The following ACP3 variants were observed in gnomAD, a reference collection of about 807,000 sequenced individuals.
ACP3 encodes acid phosphatase 3, also known as prostatic acid phosphatase.
In ACP3, 38 loss-of-function variants were observed where a neutral mutation model predicts 45.6. The ratio of observed to expected loss-of-function variants is 0.83; its 90% CI spans 0.64 to 1.09. ACP3 has a LOEUF of 1.09. Ranked by LOEUF, ACP3 falls within the 50% of genes least tolerant of loss-of-function variation. The pLI is 0.00. For synonymous variants in ACP3, 162 were observed against 164.7 expected (o/e 0.98, Z 0.13); for missense variants, 466 against 463.2 (o/e 1.01, Z -0.05).
Position 132,358,076 on chromosome 3 carries a change from T to TAAATTAAA in ACP3, c.*1201_*1202insTTAAAAAA, listed in dbSNP as rs1553734945. On this transcript the variant is annotated 3_prime_UTR_variant, in exon 10 of 10. Transcript: ENST00000336375. ...ATAAATAAATAAATAAATAAATAAA[T>TAAATTAAA]AAAAACAAAGTTGATTAAGAAAGGA... The TAAATTAAA allele has an allele frequency of 6.8e-6, 1 of 147,390 alleles. No homozygotes were observed. Among genetic ancestry groups the TAAATTAAA allele is most frequent in the Non-Finnish European group, 1.4e-5 (1 of 70,062 alleles). The allele number at this position is 147,390 out of a possible 1,614,324, so 9.1% of individuals were successfully genotyped here.
At chr3:132,328,155 T>G in intron 1 of ACP3, 112 bp from the exon 2 acceptor site, 2 of 722,166 alleles carry the variant, frequency 2.8e-6, no homozygotes. Context: ...GTGATTACAA[T>G]GGGAAGCCAA....
At chr3:132,367,664 GC>G (rs772837136) in intron 10 of ACP3, 14 of 1,439,270 alleles carry the variant, frequency 9.7e-6, no homozygotes, top group Non-Finnish European at 1.4e-5. Flanking sequence ...TTTTCCTAAT[GC>G]ATTAATTTTA....
At chr3:132,361,957 GC>G (rs1189218130), downstream of ACP3, among the ~76,000 whole-genome samples, 1 of 152,044 alleles carries the variant, frequency 6.6e-6, no homozygotes, top group Non-Finnish European at 1.5e-5. Flanking sequence ...CTACGAAAAT[GC>G]CCAAATATCC....
intron 4 of ACP3, among the ~76,000 whole-genome samples, chr3:132,333,054 G>A (rs1018145686): frequency 6.6e-6 from 1 of 152,042 alleles, no homozygotes; most frequent in African/African-American, 2.4e-5. Context: ...GGATCACGTG[G>A]TTTTTTAAAA....
intron 1 of ACP3, among the ~76,000 whole-genome samples, chr3:132,325,261 T>C (rs1405937270): frequency 6.6e-6 from 1 of 152,204 alleles, no homozygotes; most frequent in East Asian, 1.9e-4. Flanking sequence ...TGGAGAATGG[T>C]TTATTAAGTG....
chr3:132,326,556 T>G (rs1275727587), intron 1 of ACP3, among the ~76,000 whole-genome samples: 1 of 152,204 alleles, frequency 6.6e-6, no homozygotes, highest in Non-Finnish European at 1.5e-5. Flanking sequence ...ATTGCATCAT[T>G]GCCCCTGTTT....
chr3:132,326,231 C>A (rs1357908621), intron 1 of ACP3, among the ~76,000 whole-genome samples: 1 of 152,082 alleles, frequency 6.6e-6, no homozygotes, highest in Non-Finnish European at 1.5e-5. Context: ...ATTATCTAGC[C>A]CAAAATGTCA....
rs557576163 is a variant in ACP3 at position 132,357,244 on chromosome 3, T to C, written c.*366T>C. On this transcript the variant is annotated 3_prime_UTR_variant, in exon 10 of 10. Coordinates refer to ENST00000336375, the MANE Select transcript of ACP3 (RefSeq NM_001099.5). The stretch of plus-strand genomic sequence containing the variant: ...GAGATTTTGCTTGAGCAGGATTAGA[T>C]AAGGCTGTTCTTTAAATGTCTGAAA... 3.0e-5 allele frequency: 30 copies of C among 995,078 alleles called. No homozygotes were observed. Among genetic ancestry groups the C allele is most frequent in the Non-Finnish European group, 3.1e-5 (26 of 836,454 alleles). The allele number at this position is 995,078 out of a possible 1,614,324, so 61.6% of individuals were successfully genotyped here.
At chr3:132,349,793 T>A in intron 7 of ACP3, 127 bp from the exon 8 acceptor site, 1 of 653,700 alleles carries the variant, frequency 1.5e-6, no homozygotes, top group Non-Finnish European at 2.7e-6. Context: ...TCAATAAAAT[T>A]AGATCTTTGC....
chr3:132,362,702 C>T (rs1345382731), downstream of ACP3, among the ~76,000 whole-genome samples: 2 of 152,122 alleles, frequency 1.3e-5, no homozygotes, highest in Admixed American at 1.3e-4. Context: ...AGAAATGGTA[C>T]TAAGCAGGTG....
chr3:132,356,737 T>C lies in ACP3; in HGVS notation c.1020T>C (p.Tyr340=). The change falls in exon 10 of 10, where the codon TAT becomes TAC. Residue 340 remains tyrosine, a synonymous_variant. Coordinates refer to ENST00000336375, the MANE Select transcript of ACP3 (RefSeq NM_001099.5). ...YYRNETQHEP[Y]PLMLPGCSPS... ...GGAATGAGACGCAGCACGAGCCGTA[T>C]CCCCTCATGCTACCTGGCTGCAGCC... is the stretch of plus-strand genomic sequence containing the variant. The C allele has an allele frequency of 6.2e-7, 1 of 1,614,136 alleles. No individual in the cohort carries two copies. The highest frequency in any genetic ancestry group is 8.5e-7 in the Non-Finnish European group (1 of 1,180,018).
chr3:132,341,976 A>AT (rs1937557597), intron 5 of ACP3, among the ~76,000 whole-genome samples: 1 of 152,312 alleles, frequency 6.6e-6, no homozygotes, highest in Admixed American at 6.5e-5. Flanking sequence ...CTAGCGAAAG[A>AT]TTTGCATTCC....
At chr3:132,320,303 G>A (rs190481732) in intron 1 of ACP3, among the ~76,000 whole-genome samples, 19 of 152,218 alleles carry the variant, frequency 1.2e-4, no homozygotes, top group African/African-American at 3.1e-4. Context: ...GGAAAGAATC[G>A]TAAATATGGT....
At chr3:132,336,269 T>C (rs924887023) in intron 4 of ACP3, among the ~76,000 whole-genome samples, 2 of 151,822 alleles carry the variant, frequency 1.3e-5, no homozygotes, top group Non-Finnish European at 2.9e-5. Flanking sequence ...CAAAACATAA[T>C]AATAATAATA....
At chr3:132,326,503 T>C (rs1330459330) in intron 1 of ACP3, among the ~76,000 whole-genome samples, 1 of 152,190 alleles carries the variant, frequency 6.6e-6, no homozygotes, top group African/African-American at 2.4e-5. Flanking sequence ...GGATCATTCA[T>C]GAAAGTAATT....
Position 132,353,018 on chromosome 3 carries a change from T to C in ACP3, c.968+195T>C, listed in dbSNP as rs78003786. Among the ~76,000 whole-genome samples, 120 of 152,266 alleles carry C rather than the reference T, an allele frequency of 7.9e-4. 1 individual carries two copies. The Middle Eastern group carries it at 0.041, about 52-fold the overall frequency. ...TGAAGACTTTTACTGGAAAATAATA[T>C]ACACAGTAGATGAAAAAATTGGGAA... On this transcript the variant is annotated intron_variant, in intron 9 of 9. Transcript: ENST00000336375.
downstream of ACP3, among the ~76,000 whole-genome samples, chr3:132,359,457 G>A (rs373343918): frequency 6.6e-6 from 1 of 152,080 alleles, no homozygotes; most frequent in Admixed American, 6.6e-5. Flanking sequence ...GCAGTGAGCC[G>A]AGATCGCGCC....
chr3:132,342,596 G>A lies in ACP3; in HGVS notation c.600G>A (p.Gln200=). 1 of 1,612,792 alleles carries A rather than the reference G, an allele frequency of 6.2e-7. No homozygotes were observed. The highest frequency in any genetic ancestry group is 1.7e-4 in the Middle Eastern group (1 of 6,058). Reference sequence around the variant, plus strand: ...GAAAACTTTCAGGATTACATGGCCAGGACCTTTTTGGAATTTGGAGTAAAG... The same window carrying A: ...GAAAACTTTCAGGATTACATGGCCAAGACCTTTTTGGAATTTGGAGTAAAG... ...TLGKLSGLHG[Q]DLFGIWSKVY... Residue 200 remains glutamine, a synonymous_variant, in exon 6 of 10, where the codon CAG becomes CAA. Coordinates refer to ENST00000336375, the MANE Select transcript of ACP3 (RefSeq NM_001099.5).
rs139606806 is a variant in ACP3, at chr3:132,364,529, A to C, written c.1139-3175A>C. The stretch of plus-strand genomic sequence containing the variant: ...CTTGCAGGTCAGCTCAATTCTTAGA[A>C]GACTTTCCAAACTCTTTCTCTTTCA... On this transcript the variant is annotated intron_variant, in intron 10 of 10. Coordinates refer to the ACP3 transcript ENST00000351273. Among the ~76,000 whole-genome samples the C allele has an allele frequency of 6.9e-3, 1,053 of 152,322 alleles. 9 individuals are homozygous for C. The highest frequency in any genetic ancestry group is 0.024 in the African/African-American group (994 of 41,562).
Sources: allele counts gnomAD v4.1 joint callset (sites outside exome capture counted in the v4.1 genomes callset), GRCh38; gene constraint gnomAD v4.1.1; transcripts MANE v1.5; gene names NCBI Gene and HGNC (gene_info 2026-07-23, HGNC 2026-07-21).